The following RNF20 variants were observed in gnomAD, a reference collection of about 807,000 sequenced individuals.
The protein encoded by RNF20 is E3 ubiquitin-protein ligase BRE1A.
In RNF20, 84 loss-of-function variants were observed where a neutral mutation model predicts 126.2. The ratio of observed to expected loss-of-function variants is 0.67; its 90% CI spans 0.56 to 0.80. The LOEUF (loss-of-function observed/expected upper bound fraction) is 0.80. Among genes scored for constraint, RNF20 ranks in the 30% least tolerant of loss-of-function variants. The pLI, the probability that RNF20 is intolerant of heterozygous loss-of-function variation, is 0.00. For missense variants in RNF20, 869 were observed against 1,188.2 expected, an observed-to-expected ratio of 0.73 and a Z score of 3.95; for synonymous variants, 400 against 414.3, an observed-to-expected ratio of 0.97 and a Z score of 0.42.
chr9:101,547,890 AGATGACAT>A (rs916594474), intron 9 of RNF20, among the ~76,000 whole-genome samples: 68 of 152,366 alleles, frequency 4.5e-4, no homozygotes, highest in African/African-American at 1.6e-3. Context: ...TTCTGTTTAT[AGATGACAT>A]GACTTTATAT....
chr9:101,545,221 G>A (rs913139440), intron 6 of RNF20, among the ~76,000 whole-genome samples: 1 of 152,080 alleles, frequency 6.6e-6, no homozygotes, highest in Non-Finnish European at 1.5e-5. Context: ...GCCAAGATTT[G>A]GACATTTATT....
chr9:101,546,738 A>G (rs1827353024), intron 6 of RNF20, 82 bp from the exon 7 acceptor site: 4 of 1,439,750 alleles, frequency 2.8e-6, no homozygotes. Context: ...CTTTTCTATA[A>G]TTACTCATAA....
At chr9:101,554,149 AT>A in intron 14 of RNF20, 44 bp downstream of exon 14, 1 of 1,100,820 alleles carries the variant, frequency 9.1e-7, no homozygotes, top group Non-Finnish European at 1.4e-6. Context: ...TAAAATCTTC[AT>A]TTGTGGGATT....
chr9:101,552,226 G>C lies in RNF20; in HGVS notation c.1494G>C (p.Lys498Asn), dbSNP rs761380627. 6.2e-7 allele frequency: 1 copy of C among 1,614,180 alleles called. No homozygotes were observed. Residue 498 changes from lysine to asparagine, a missense_variant, in exon 12 of 20, where the codon AAG (lysine) becomes AAC (asparagine). Transcript: ENST00000389120. The part of the protein sequence containing the change: ...HQLKGEVLRY[K>N]RKLREAQSDL... ...TGAAAGGGGAGGTCCTGAGATATAA[G>C]CGGAAATTGAGAGAAGCCCAGTCTG...
intron 16 of RNF20, among the ~76,000 whole-genome samples, chr9:101,559,915 C>G (rs1368942127): frequency 6.6e-6 from 1 of 152,168 alleles, no homozygotes; most frequent in Non-Finnish European, 1.5e-5. Flanking sequence ...TCTGATTGCT[C>G]TGGCTAGGAC....
At chr9:101,545,516 A>G (rs1487879125) in intron 6 of RNF20, among the ~76,000 whole-genome samples, 1 of 152,212 alleles carries the variant, frequency 6.6e-6, no homozygotes, top group Admixed American at 6.5e-5. Flanking sequence ...GAGGGCACAT[A>G]GCTAGAAAGT....
Position 101,551,764 on chromosome 9 carries a change from G to A in RNF20, c.1353G>A (p.Glu451=), listed in dbSNP as rs200472591. ...LEDTLAQVRK[E]YEMLRIEFEQ... ...ATACATTGGCCCAGGTCCGCAAGGA[G>A]TATGAAATGCTGAGGATAGAATTTG... Residue 451 remains glutamate (E), a synonymous_variant, in exon 11 of 20, where the codon GAG becomes GAA. Transcript: ENST00000389120. The A allele has an allele frequency of 4.3e-4, 689 of 1,613,598 alleles. 4 individuals carry two copies. The highest frequency in any genetic ancestry group is 7.6e-5 in the Non-Finnish European group (90 of 1,179,902).
chr9:101,546,228 A>G (rs1462459925), intron 6 of RNF20, among the ~76,000 whole-genome samples: 1 of 152,196 alleles, frequency 6.6e-6, no homozygotes, highest in Non-Finnish European at 1.5e-5. Flanking sequence ...TGAACTTGTA[A>G]TAGTTTAGTA....
Position 101,551,833 on chromosome 9 carries a change from C to T in RNF20, c.1408+14C>T, listed in dbSNP as rs763168325. The stretch of plus-strand genomic sequence containing the variant: ...ATGAACAAGCAGGTATAATGATTCT[C>T]ACTCCATGCTGTAGTTTGCTCTTAA... On this transcript the variant is annotated intron_variant, in intron 11 of 19. Transcript: ENST00000389120. 1.9e-6 allele frequency: 3 copies of T among 1,597,770 alleles called. No homozygotes were observed. The highest frequency in any genetic ancestry group is 1.8e-5 in the Admixed American group (1 of 56,628).
In RNF20 at chr9:101,552,134, A is replaced by G; in HGVS notation, c.1409-7A>G. 1.2e-6 allele frequency: 2 copies of G among 1,613,938 alleles called. No homozygotes were observed. Among genetic ancestry groups the G allele is most frequent in the Non-Finnish European group, 1.7e-6 (2 of 1,179,964 alleles). On this transcript the variant is annotated splice_region_variant and splice_polypyrimidine_tract_variant and intron_variant, in intron 11 of 19. Coordinates refer to ENST00000389120, the MANE Select transcript of RNF20 (RefSeq NM_019592.7). ...TTCCTCATAACATTGTTGTTCCTGT[A>G]TTTAAGGCCCTATAAACAGGGAGAT...
intron 13 of RNF20, among the ~76,000 whole-genome samples, chr9:101,552,972 G>A (rs190572312): frequency 7.2e-5 from 11 of 152,192 alleles, no homozygotes; most frequent in Non-Finnish European, 1.0e-4. Flanking sequence ...AACCGATGAT[G>A]GTAGCCTTAT....
chr9:101,542,489 C>T (rs1384726003), intron 5 of RNF20, among the ~76,000 whole-genome samples: 1 of 152,190 alleles, frequency 6.6e-6, no homozygotes, highest in Non-Finnish European at 1.5e-5. Flanking sequence ...CTTTGTTTCT[C>T]TAGTTTCTAG....
At chr9:101,536,937 A>G (rs906104228) in intron 2 of RNF20, among the ~76,000 whole-genome samples, 9 of 152,222 alleles carry the variant, frequency 5.9e-5, no homozygotes, top group African/African-American at 2.2e-4. Flanking sequence ...CTCTTTCGCT[A>G]TAACTGCATC....
At chr9:101,540,073 G>T in intron 2 of RNF20, 130 bp from the exon 3 acceptor site, 1 of 851,470 alleles carries the variant, frequency 1.2e-6, no homozygotes. Flanking sequence ...TTAATTACTT[G>T]TAAGATTTTT....
chr9:101,542,666 G>T (rs188694127), intron 5 of RNF20, among the ~76,000 whole-genome samples: 171 of 152,130 alleles, frequency 1.1e-3, no homozygotes, highest in Non-Finnish European at 2.2e-3. Flanking sequence ...TAGTAATATG[G>T]TAATTAATAT....
chr9:101,547,360 G>C, intron 8 of RNF20, 39 bp from the exon 9 acceptor site: 1 of 1,611,978 alleles, frequency 6.2e-7, no homozygotes, highest in Non-Finnish European at 8.5e-7. Flanking sequence ...GATTTAAGAA[G>C]AATACTTATT....
At chr9:101,534,623 T>C (rs1445010184) in intron 1 of RNF20, among the ~76,000 whole-genome samples, 1 of 152,216 alleles carries the variant, frequency 6.6e-6, no homozygotes, top group Non-Finnish European at 1.5e-5. Flanking sequence ...TATTTATTCC[T>C]GGGTTAGGAA....
intron 2 of RNF20, among the ~76,000 whole-genome samples, chr9:101,538,202 G>C (rs954261648): frequency 8.5e-5 from 13 of 152,192 alleles, no homozygotes; most frequent in Admixed American, 8.5e-4. Context: ...AAGACTAAAT[G>C]TGGGAGTTGG....
intron 2 of RNF20, among the ~76,000 whole-genome samples, chr9:101,537,509 T>C (rs1827202124): frequency 6.6e-6 from 1 of 151,638 alleles, no homozygotes; most frequent in Non-Finnish European, 1.5e-5. Flanking sequence ...AGGTCTGGGC[T>C]AAAGCTGTAT....
Sources: gnomAD v4.1 joint callset for allele counts (sites outside exome capture counted in the v4.1 genomes callset) on GRCh38, gnomAD v4.1.1 for gene constraint, MANE v1.5 for transcripts, NCBI Gene and HGNC (gene_info 2026-07-23, HGNC 2026-07-21) for gene names.